BUD31: variants seen among roughly 807,000 people sequenced by gnomAD.
BUD31 encodes protein BUD31 homolog.
In BUD31, 9 loss-of-function variants were observed where a neutral mutation model predicts 17.9. That is an observed-to-expected ratio of 0.50 (90% CI 0.30 to 0.88). The LOEUF is 0.88. Ranked by LOEUF, BUD31 falls within the 40% of genes least tolerant of loss-of-function variation. The pLI, the probability that BUD31 is intolerant of heterozygous loss-of-function variation, is 0.06. For missense variants in BUD31, 148 were observed against 184.5 expected (o/e 0.80, Z 1.15); for synonymous variants, 70 against 64.7 (o/e 1.08, Z -0.39).
At chr7:99,418,661 G>C in intron 5 of BUD31, 1 of 152,692 alleles carries the variant, frequency 6.5e-6, no homozygotes, top group Admixed American at 6.5e-5. Context: ...GCAGGGACAG[G>C]TGGCAGAGTG....
chr7:99,419,093 A>G (rs1448728388), intron 5 of BUD31: 5 of 449,590 alleles, frequency 1.1e-5, no homozygotes, highest in African/African-American at 4.0e-5. Context: ...ATGCTCACTT[A>G]GCAGAATAAC....
chr7:99,417,173 C>T, intron 4 of BUD31: 2 of 388,724 alleles, frequency 5.1e-6, no homozygotes, highest in Non-Finnish European at 9.6e-6. Flanking sequence ...TCTCCTGCCT[C>T]AGCCTCCTAA....
rs371698545 is a variant in BUD31 at position 99,419,614 on chromosome 7, C to G, written c.*173C>G. The stretch of plus-strand genomic sequence containing the variant: ...GTAAAAATAAAATCTTTAAATCTCT[C>G]GAGCCCCACGTCTCTTCTTTCAGAG... On this transcript the variant is annotated 3_prime_UTR_variant, in exon 6 of 6. Coordinates refer to ENST00000222969, the MANE Select transcript of BUD31 (RefSeq NM_003910.4). 3 of 835,180 alleles carry G rather than the reference C, an allele frequency of 3.6e-6. No homozygotes were observed. The highest frequency in any genetic ancestry group is 5.5e-6 in the Non-Finnish European group (3 of 544,630). The allele number at this position is 835,180 out of a possible 1,614,324, so 51.7% of individuals were successfully genotyped here.
chr7:99,410,340 T>C (rs911869188), intron 2 of BUD31, among the ~76,000 whole-genome samples, 171 bp downstream of exon 2: 9 of 145,008 alleles, frequency 6.2e-5, no homozygotes, highest in Non-Finnish European at 1.2e-4. Context: ...TGCCTCAGCC[T>C]TCCGTGTAGC....
intron 3 of BUD31, among the ~76,000 whole-genome samples, chr7:99,412,601 CTTTTCTTTT>C (rs1019746007): frequency 6.6e-6 from 1 of 150,460 alleles, no homozygotes. Flanking sequence ...GCTAAGTTTT[CTTTTCTTTT>C]TTTTCTTTTT....
rs1224024314 is a variant in BUD31, at chr7:99,408,985, C to A, written c.-426C>A. The A allele has an allele frequency of 6.3e-6, 1 of 158,062 alleles. No homozygotes were observed. The highest frequency in any genetic ancestry group is 1.4e-5 in the Non-Finnish European group (1 of 72,104). The allele number at this position is 158,062 out of a possible 1,614,324, so 9.8% of individuals were successfully genotyped here. On this transcript the variant is annotated 5_prime_UTR_variant, in exon 1 of 6. Transcript: ENST00000222969. ...AAGCCTTCTGTCGAGAAGCAGCTAC[C>A]CAAGCTCCAGGAGCTTCCGGTATGT...
At chr7:99,418,697 C>G (rs1160968893) in intron 5 of BUD31, 1 of 152,448 alleles carries the variant, frequency 6.6e-6, no homozygotes, top group Non-Finnish European at 1.5e-5. Context: ...CTCTGAGTGC[C>G]CAGATTCCAC....
chr7:99,419,277 T>G, intron 5 of BUD31, 114 bp from the exon 6 acceptor site: 1 of 1,298,742 alleles, frequency 7.7e-7, no homozygotes, highest in Non-Finnish European at 1.1e-6. Flanking sequence ...GTTTCTGAGG[T>G]GTGTCCCTAT....
In BUD31 at chr7:99,411,016, G is replaced by C. The variant is rs188700736; in HGVS notation, c.-29-48G>C. On this transcript the variant is annotated intron_variant, in intron 2 of 5. Coordinates refer to ENST00000222969, the MANE Select transcript of BUD31 (RefSeq NM_003910.4). ...TGTACCGAAATAATGGCTGGCAAAG[G>C]CCTTTGGGGATTTGAGACTCAGAAA... is the stretch of plus-strand genomic sequence containing the variant. 3.7e-5 allele frequency: 47 copies of C among 1,267,982 alleles called. No individual in the cohort carries two copies. The African/African-American group carries it at 4.8e-4, about 13-fold the overall frequency. 78.5% of individuals were successfully genotyped at this position (1,267,982 alleles called of 1,614,324 possible).
rs1209557137 is a variant in BUD31, at chr7:99,411,205, G to T, written c.94+19G>T. 1 of 1,603,904 alleles carries T rather than the reference G, an allele frequency of 6.2e-7. No homozygotes were observed. Among genetic ancestry groups the T allele is most frequent in the Non-Finnish European group, 8.5e-7 (1 of 1,171,394 alleles). Reference sequence around the variant, plus strand: ...AGAGAAGGTGAGTAGGGGAGTTCCTGTCTGGGTGGGCTGGGTCCAAGGGTC... The same window carrying T: ...AGAGAAGGTGAGTAGGGGAGTTCCTTTCTGGGTGGGCTGGGTCCAAGGGTC... On this transcript the variant is annotated intron_variant, in intron 3 of 5. Coordinates refer to ENST00000222969, the MANE Select transcript of BUD31 (RefSeq NM_003910.4).
intron 3 of BUD31, chr7:99,411,971 G>A (rs542245553): frequency 3.7e-5 from 11 of 294,716 alleles, no homozygotes; most frequent in Non-Finnish European, 2.0e-5. Context: ...CTCCCAAAGT[G>A]ATGGGATTAC....
Position 99,411,173 on chromosome 7 carries a change from A to T in BUD31, c.81A>T (p.Gln27His). 1 of 1,614,036 alleles carries T rather than the reference A, an allele frequency of 6.2e-7. No homozygotes were observed. Residue 27 changes from glutamine to histidine, a missense_variant, in exon 3 of 6, where the codon CAA (glutamine) becomes CAT (histidine). Physicochemically the swap from Gln to His is conservative, Grantham distance 24. Transcript: ENST00000222969. The stretch of plus-strand genomic sequence containing the variant: ...AGCCAACACTGGATGAATTAGATCA[A>T]AAGATGAGAGAAGGTGAGTAGGGGA... ...LIEPTLDELD[Q>H]KMREAETEPH... is the part of the protein sequence containing the mutation.
Position 99,411,204 on chromosome 7 carries a change from T to C in BUD31, c.94+18T>C. 1 of 1,595,210 alleles carries C rather than the reference T, an allele frequency of 6.3e-7. No homozygotes were observed. The highest frequency in any genetic ancestry group is 8.6e-7 in the Non-Finnish European group (1 of 1,163,340). ...GAGAGAAGGTGAGTAGGGGAGTTCC[T>C]GTCTGGGTGGGCTGGGTCCAAGGGT... On this transcript the variant is annotated intron_variant, in intron 3 of 5. Coordinates refer to ENST00000222969, the MANE Select transcript of BUD31 (RefSeq NM_003910.4).
chr7:99,417,981 C>T (rs1795600404), intron 5 of BUD31: 2 of 1,175,380 alleles, frequency 1.7e-6, no homozygotes, highest in South Asian at 3.3e-5. Context: ...CTTTCCCGCC[C>T]CCCCAAGACG....
intron 3 of BUD31, chr7:99,411,857 C>T (rs1795202517): frequency 2.7e-6 from 1 of 365,398 alleles, no homozygotes; most frequent in Non-Finnish European, 5.4e-6. Flanking sequence ...CAGGCATGCG[C>T]CACCATGCCC....
intron 3 of BUD31, chr7:99,411,728 G>A (rs1428714658): frequency 4.8e-5 from 22 of 455,470 alleles, no homozygotes; most frequent in Admixed American, 7.1e-5. Context: ...TTTTTGAGTT[G>A]GAGTCTTGCT....
chr7:99,416,355 A>G (rs1289075546), intron 4 of BUD31, 95 bp downstream of exon 4: 1 of 1,470,090 alleles, frequency 6.8e-7, no homozygotes, highest in South Asian at 1.3e-5. Context: ...TGTGCAAGTC[A>G]TGGTTTTTCT....
chr7:99,411,189 G>T lies in BUD31; in HGVS notation c.94+3G>T. On this transcript the variant is annotated splice_donor_region_variant and intron_variant, in intron 3 of 5. Coordinates refer to ENST00000222969, the MANE Select transcript of BUD31 (RefSeq NM_003910.4). The stretch of plus-strand genomic sequence containing the variant: ...ATTAGATCAAAAGATGAGAGAAGGT[G>T]AGTAGGGGAGTTCCTGTCTGGGTGG... 2 of 1,612,798 alleles carry T rather than the reference G, an allele frequency of 1.2e-6. No homozygotes were observed. The highest frequency in any genetic ancestry group is 1.7e-6 in the Non-Finnish European group (2 of 1,178,946).
rs2150918190 is a variant in BUD31 at position 99,411,134 on chromosome 7, C to T, written c.42C>T (p.Gly14=). 1.2e-6 allele frequency: 2 copies of T among 1,614,106 alleles called. No homozygotes were observed. Among genetic ancestry groups the T allele is most frequent in the Non-Finnish European group, 1.7e-6 (2 of 1,180,024 alleles). ...VKRSRKAPPD[G]WELIEPTLDE... ...GAAGCCGGAAAGCACCCCCAGATGGCTGGGAGTTGATTGAGCCAACACTGG... is the reference window on the plus strand; with the variant it reads ...GAAGCCGGAAAGCACCCCCAGATGGTTGGGAGTTGATTGAGCCAACACTGG... Residue 14 remains glycine (G), a synonymous_variant, in exon 3 of 6, where the codon GGC becomes GGT. Transcript: ENST00000222969.
Sources: gnomAD v4.1 joint callset for allele counts (sites outside exome capture counted in the v4.1 genomes callset) on GRCh38, gnomAD v4.1.1 for gene constraint, MANE v1.5 for transcripts, NCBI Gene and HGNC (gene_info 2026-07-23, HGNC 2026-07-21) for gene names.